Variants in TRERF1 observed in about 807,000 individuals in gnomAD.
TRERF1 encodes the protein transcriptional regulating factor 1.
TRERF1 carries 27 observed loss-of-function variants against 122.9 expected under a neutral mutation model. The observed-to-expected ratio is 0.22, with a 90% CI of 0.16 to 0.30. The LOEUF (loss-of-function observed/expected upper bound fraction) is 0.30, where lower values mean the gene tolerates loss of function less well. TRERF1 is among the 10% of genes least tolerant of loss of function. The probability of loss-of-function intolerance (pLI) is 1.00; values close to 1 mark genes in which losing one functional copy is unlikely to be tolerated. For synonymous variants in TRERF1, 636 were observed against 641.7 expected, an observed-to-expected ratio of 0.99 and a Z score of 0.13; for missense variants, 1,248 against 1,560.3, an observed-to-expected ratio of 0.80 and a Z score of 3.37.
At chr6:42,392,712 T>A (rs971335172) in intron 2 of TRERF1, among the ~76,000 whole-genome samples, 1 of 152,112 alleles carries the variant, frequency 6.6e-6, no homozygotes, top group Admixed American at 6.5e-5. Flanking sequence ...CTGATAGCCA[T>A]CATCCCAGCA....
intron 2 of TRERF1, among the ~76,000 whole-genome samples, chr6:42,411,888 G>A (rs1781140513): frequency 6.6e-6 from 1 of 152,008 alleles, no homozygotes; most frequent in Non-Finnish European, 1.5e-5. Context: ...TTTCTTATCT[G>A]TAAATGAACA....
chr6:42,423,593 T>A (rs4714608), intron 2 of TRERF1, among the ~76,000 whole-genome samples: 3 of 152,302 alleles, frequency 2.0e-5, no homozygotes, highest in African/African-American at 7.2e-5. Flanking sequence ...GCAGCCACAG[T>A]TTCCCATATC....
chr6:42,344,555 C>T (rs1365886371), intron 3 of TRERF1, among the ~76,000 whole-genome samples: 1 of 152,120 alleles, frequency 6.6e-6, no homozygotes, highest in Non-Finnish European at 1.5e-5. Flanking sequence ...ACAACTAACA[C>T]AGGAAAATGC....
chr6:42,314,878 C>T (rs548097037), intron 3 of TRERF1, among the ~76,000 whole-genome samples: 5 of 152,254 alleles, frequency 3.3e-5, no homozygotes, highest in Admixed American at 3.3e-4. Flanking sequence ...AGATTCTAAA[C>T]GTGATTTTAA....
rs1197959740 is a variant in TRERF1, at chr6:42,262,552, A to C, written c.1884+768T>G. ...GAGAGAGAGAGAGAGAGAGAGAGAG[A>C]GAGAGAGAGAGAGAGAGAGAGAGAG... On this transcript the variant is annotated intron_variant, in intron 8 of 17. Coordinates refer to ENST00000372922, the Ensembl canonical transcript of TRERF1. Among the ~76,000 whole-genome samples, 20 of 119,592 alleles carry C rather than the reference A, an allele frequency of 1.7e-4. 1 individual carries two copies. The highest frequency in any genetic ancestry group is 6.5e-4 in the African/African-American group (20 of 30,978). 78.5% of individuals were successfully genotyped at this position (119,592 alleles called of 152,430 possible). A position where few individuals can be genotyped will look rare whatever the true frequency, so the allele number is the denominator to read the frequency against.
chr6:42,435,704 A>G (rs260258), intron 2 of TRERF1, among the ~76,000 whole-genome samples: 130,700 of 152,020 alleles, frequency 0.86, 56,286 homozygotes, highest in Non-Finnish European at 0.89. Flanking sequence ...GGCCGGGCGC[A>G]GTGGCTCACA....
chr6:42,229,607 T>C (rs1433280411), intron 17 of TRERF1, among the ~76,000 whole-genome samples: 2 of 152,182 alleles, frequency 1.3e-5, no homozygotes, highest in Non-Finnish European at 2.9e-5. Flanking sequence ...GTCTTTATTG[T>C]ACTTGACTTC....
intron 3 of TRERF1, among the ~76,000 whole-genome samples, chr6:42,331,817 C>T (rs564156632): frequency 2.0e-5 from 3 of 152,334 alleles, no homozygotes; most frequent in South Asian, 4.1e-4. Flanking sequence ...CAGGCCCACG[C>T]GGGCCATGTG....
intron 8 of TRERF1, among the ~76,000 whole-genome samples, chr6:42,262,984 A>G (rs1235661948): frequency 1.3e-5 from 2 of 152,186 alleles, no homozygotes; most frequent in African/African-American, 4.8e-5. Flanking sequence ...AATAATGGCT[A>G]TGATTGTCTC....
Position 42,259,393 on chromosome 6 carries a change from G to T in TRERF1, c.2215C>A (p.Gln739Lys). 1 of 1,529,296 alleles carries T rather than the reference G, an allele frequency of 6.5e-7. No individual in the cohort carries two copies. Among genetic ancestry groups the T allele is most frequent in the Admixed American group, 2.1e-5 (1 of 48,160 alleles). The allele number at this position is 1,529,296 out of a possible 1,614,324, so 94.7% of individuals were successfully genotyped here. Residue 739 changes from glutamine to lysine, a missense_variant, in exon 9 of 18, where the codon CAG becomes AAG. Coordinates refer to ENST00000372922, the Ensembl canonical transcript of TRERF1. This position sits in a 1 kb window ranked among gnomAD's most constrained non-coding sequence, Gnocchi z 4.9. ...GGCGTCAGGGGCGTCAGGGGCAGCT[G>T]CGGGTGGGCGCCAGGGCCGTGGCCG...
At chr6:42,297,365 G>A (rs1785288301) in intron 4 of TRERF1, among the ~76,000 whole-genome samples, 1 of 152,216 alleles carries the variant, frequency 6.6e-6, no homozygotes, top group African/African-American at 2.4e-5. Flanking sequence ...CTTGGAAGGT[G>A]AGCTGGCATC....
At chr6:42,358,207 G>A (rs1234482686) in intron 3 of TRERF1, among the ~76,000 whole-genome samples, 1 of 152,178 alleles carries the variant, frequency 6.6e-6, no homozygotes, top group Admixed American at 6.5e-5. Flanking sequence ...AGGAAAAACT[G>A]TTGACACACT....
At chr6:42,243,259 CGAT>C (rs1561810171) in exon 15 of TRERF1, 2 of 1,613,988 alleles carry the variant, frequency 1.2e-6, no homozygotes, top group Non-Finnish European at 1.7e-6. Context: ...ACACAATCGT[CGAT>C]GATTTCTGCC....
intron 9 of TRERF1, among the ~76,000 whole-genome samples, chr6:42,258,896 G>A (rs1214858416): frequency 6.6e-6 from 1 of 152,208 alleles, no homozygotes; most frequent in South Asian, 2.1e-4. Flanking sequence ...CACCATGCCC[G>A]GCTAATTTTT....
rs769632093 is a variant in TRERF1 at position 42,337,384 on chromosome 6, G to A, written c.-371+25613C>T. ...TCTAATACCGCTCCTGATCCTCAAG[G>A]AGGTTAGCTGGAGCAGGTCTGAGGC... On this transcript the variant is annotated intron_variant, in intron 3 of 17. Coordinates refer to ENST00000372922, the Ensembl canonical transcript of TRERF1. Among the ~76,000 whole-genome samples the A allele has an allele frequency of 1.4e-4, 21 of 152,334 alleles. No individual in the cohort carries two copies. In the South Asian group the frequency reaches 1.4e-3, roughly 11 times the overall value.
At chr6:42,331,227 A>G (rs1050326356) in intron 3 of TRERF1, among the ~76,000 whole-genome samples, 2 of 152,180 alleles carry the variant, frequency 1.3e-5, no homozygotes, top group African/African-American at 4.8e-5. Context: ...GGAGACCACA[A>G]ATGGATGGGA....
At chr6:42,436,837 ATATATATATATG>A in intron 2 of TRERF1, among the ~76,000 whole-genome samples, 1 of 141,762 alleles carries the variant, frequency 7.1e-6, no homozygotes, top group Non-Finnish European at 1.5e-5. Context: ...ATATATATAT[ATATATATATATG>A]AACTACTTTC....
At chr6:42,277,652 A>G (rs922807098) in intron 4 of TRERF1, among the ~76,000 whole-genome samples, 1 of 152,080 alleles carries the variant, frequency 6.6e-6, no homozygotes, top group African/African-American at 2.4e-5. Flanking sequence ...AGAATTTAAG[A>G]TAACTCTAGG....
intron 3 of TRERF1, among the ~76,000 whole-genome samples, chr6:42,338,933 A>C (rs1293036760): frequency 6.6e-6 from 1 of 152,166 alleles, no homozygotes; most frequent in African/African-American, 2.4e-5. Context: ...TGGCTGACTA[A>C]CCCACCAGTA....
Sources: gnomAD v4.1 joint callset for allele counts (sites outside exome capture counted in the v4.1 genomes callset) on GRCh38, gnomAD v4.1.1 for gene constraint, Gnocchi (gnomAD v3.1) non-coding constraint, MANE v1.5 for transcripts, NCBI Gene and HGNC (gene_info 2026-07-23, HGNC 2026-07-21) for gene names.